The following ALMS1 variants were observed in gnomAD, a reference collection of about 807,000 sequenced individuals.
ALMS1 encodes the protein ALMS1 centrosome and basal body associated protein, also known as centrosome-associated protein ALMS1.
ALMS1 carries 271 observed loss-of-function variants against 352.2 expected under a neutral mutation model. The ratio of observed to expected loss-of-function variants is 0.77; its 90% CI spans 0.70 to 0.85. ALMS1 has a LOEUF of 0.85. ALMS1 is among the 40% of genes least tolerant of loss of function. ALMS1 has a pLI of 0.00. For missense variants in ALMS1, 5,445 were observed against 4,870.7 expected (o/e 1.12, Z -3.51); for synonymous variants, 1,865 against 1,761.2 (o/e 1.06, Z -1.48).
intron 10 of ALMS1, among the ~76,000 whole-genome samples, chr2:73,516,369 A>T (rs1673555286): frequency 6.6e-6 from 1 of 152,206 alleles, no homozygotes; most frequent in African/African-American, 2.4e-5. Flanking sequence ...TAGTTCAGCC[A>T]CTGGGGAAAA....
At chr2:73,525,350 A>C (rs1040815957) in intron 11 of ALMS1, among the ~76,000 whole-genome samples, 2 of 152,198 alleles carry the variant, frequency 1.3e-5, no homozygotes, top group Admixed American at 6.5e-5. Flanking sequence ...GAATCTACAA[A>C]CTAACTGTTC....
chr2:73,465,275 G>C (rs1355541305), intron 9 of ALMS1, among the ~76,000 whole-genome samples: 1 of 150,074 alleles, frequency 6.7e-6, no homozygotes, highest in African/African-American at 2.5e-5. Context: ...GCATGGTACT[G>C]GTACCAAAAC....
chr2:73,389,506 A>C (rs917193789), intron 1 of ALMS1, among the ~76,000 whole-genome samples: 1 of 152,036 alleles, frequency 6.6e-6, no homozygotes, highest in Non-Finnish European at 1.5e-5. Flanking sequence ...TTAATCATAA[A>C]CTTTTTTCCT....
At chr2:73,495,507 A>G (rs928335882) in intron 10 of ALMS1, among the ~76,000 whole-genome samples, 6 of 152,116 alleles carry the variant, frequency 3.9e-5, no homozygotes. Context: ...AAATGCTGTG[A>G]TTACAGACGT....
At chr2:73,560,447 A>G (rs1674633246) in intron 15 of ALMS1, among the ~76,000 whole-genome samples, 1 of 152,188 alleles carries the variant, frequency 6.6e-6, no homozygotes. Flanking sequence ...ATTGGTGGGA[A>G]TGTAAAATGA....
At position 73,450,707 on chromosome 2, in the gene ALMS1, C is replaced by T. The variant is rs969786171; in HGVS notation, c.4180C>T (p.Gln1394Ter). 1.2e-6 allele frequency: 2 copies of T among 1,613,230 alleles called. No homozygotes were observed. The highest frequency in any genetic ancestry group is 1.3e-5 in the African/African-American group (1 of 74,692). ...HTEKPSIFYQQSLPGSHLTEE... is the reference protein window; with the variant it reads ...HTEKPSIFYQ ...AGAGAAGCCGAGTATTTTCTACCAA[C>T]AGTCGTTGCCAGGTAGTCATCTAAC... The change falls in exon 8 of 23, where the codon CAG becomes TAG. Residue 1394 changes from glutamine (Q) to a stop codon, truncating the protein, a stop_gained. Transcript: ENST00000613296. LOFTEE classifies it high-confidence loss of function.
Position 73,573,233 on chromosome 2 carries a change from GAC to G in ALMS1, c.11359_11360del (p.Thr3787CysfsTer10). On this transcript the variant is annotated frameshift_variant, in exon 16 of 23. Coordinates refer to ENST00000613296, the MANE Select transcript of ALMS1 (RefSeq NM_001378454.1). LOFTEE classifies it high-confidence loss of function. Reference protein sequence around the residue: ...HERSSSVSTIDTARLIQAFGH... With the variant: ...HERSSSVSTIXTARLIQAFGH... The stretch of plus-strand genomic sequence containing the variant: ...AAGGAGTAGCTCTGTTTCCACTATT[GAC>G]ACTGCCCGGCTGATTCAAGCTTTTG... 1 of 1,613,434 alleles carries G rather than the reference GAC, an allele frequency of 6.2e-7. No individual in the cohort carries two copies. The highest frequency in any genetic ancestry group is 1.1e-5 in the South Asian group (1 of 91,052).
intron 11 of ALMS1, among the ~76,000 whole-genome samples, chr2:73,522,808 A>G (rs1673712999): frequency 1.3e-5 from 2 of 152,106 alleles, no homozygotes; most frequent in Admixed American, 1.3e-4. Flanking sequence ...CTTTCTTTAG[A>G]GGTCACTTTG....
intron 10 of ALMS1, among the ~76,000 whole-genome samples, chr2:73,505,478 A>G (rs1673301616): frequency 6.6e-6 from 1 of 152,108 alleles, no homozygotes; most frequent in African/African-American, 2.4e-5. Flanking sequence ...ACCAGTGATG[A>G]TGAGCTTTTT....
intron 15 of ALMS1, among the ~76,000 whole-genome samples, chr2:73,560,992 A>G (rs1417715646): frequency 6.6e-6 from 1 of 152,220 alleles, no homozygotes; most frequent in Non-Finnish European, 1.5e-5. Flanking sequence ...ACACTTCACA[A>G]AAGGGGATGG....
At chr2:73,475,405 T>C (rs1410357883) in intron 9 of ALMS1, among the ~76,000 whole-genome samples, 1 of 152,132 alleles carries the variant, frequency 6.6e-6, no homozygotes, top group African/African-American at 2.4e-5. Context: ...ATTTTCTGTC[T>C]TTTTGATTAT....
At chr2:73,414,477 T>TTTTTTTTTGGTG (rs1671143311) in intron 2 of ALMS1, among the ~76,000 whole-genome samples, 12 of 92,810 alleles carry the variant, frequency 1.3e-4, no homozygotes, top group African/African-American at 3.3e-4. Flanking sequence ...TTTTCCGTTT[T>TTTTTTTTTGGTG]TTTTTTTTTT....
At chr2:73,458,943 C>A (rs1304540146) in intron 9 of ALMS1, 1 of 152,156 alleles carries the variant, frequency 6.6e-6, no homozygotes, top group East Asian at 1.9e-4. Context: ...CTATAATGTA[C>A]AAGACAGTTC....
intron 9 of ALMS1, among the ~76,000 whole-genome samples, chr2:73,480,787 A>G (rs1427401487): frequency 2.0e-5 from 3 of 151,456 alleles, no homozygotes; most frequent in Non-Finnish European, 4.4e-5. Context: ...GTGAGATGGT[A>G]TCTCATTGTG....
rs187607395 is a variant in ALMS1 at position 73,559,062 on chromosome 2, A to T, written c.10304A>T (p.Lys3435Ile). 10 of 1,614,070 alleles carry T rather than the reference A, an allele frequency of 6.2e-6. No homozygotes were observed. In the South Asian group the frequency reaches 9.9e-5, roughly 16 times the overall value. ...CCAGACACTAAAGCCATTACACAGA[A>T]AGAGGAGATCCATAGGAAGAAGACA... Reference protein sequence around the residue: ...NLPDTKAITQKEEIHRKKTVP... With the variant: ...NLPDTKAITQIEEIHRKKTVP... The change falls in exon 15 of 23, where the codon AAA (lysine) becomes ATA (isoleucine). Residue 3435 changes from lysine (K) to isoleucine (I), a missense_variant. By Grantham distance (102) the Lys-to-Ile change is moderately radical. Transcript: ENST00000613296.
intron 9 of ALMS1, among the ~76,000 whole-genome samples, chr2:73,461,634 G>C (rs1162700829): frequency 6.6e-6 from 1 of 152,148 alleles, no homozygotes; most frequent in African/African-American, 2.4e-5. Flanking sequence ...GAGAGAAGAA[G>C]GCTTCAGATG....
chr2:73,491,944 AT>A (rs1331654419), intron 10 of ALMS1, among the ~76,000 whole-genome samples: 1 of 152,024 alleles, frequency 6.6e-6, no homozygotes, highest in African/African-American at 2.4e-5. Flanking sequence ...AATATTTAGT[AT>A]TTACAAAGAA....
intron 4 of ALMS1, among the ~76,000 whole-genome samples, chr2:73,423,225 A>G (rs1243610381): frequency 1.3e-5 from 2 of 152,242 alleles, no homozygotes; most frequent in Non-Finnish European, 2.9e-5. Flanking sequence ...CATTTCAGGC[A>G]TATTTTAATT....
Position 73,424,687 on chromosome 2 carries a change from A to G in ALMS1, c.1022A>G (p.Asp341Gly), listed in dbSNP as rs762728069. 2 of 1,614,094 alleles carry G rather than the reference A, an allele frequency of 1.2e-6. No homozygotes were observed. Among genetic ancestry groups the G allele is most frequent in the Non-Finnish European group, 1.7e-6 (2 of 1,180,000 alleles). Reference protein sequence around the residue: ...KIPKDCDRYDDLCSYMSWKTR... With the variant: ...KIPKDCDRYDGLCSYMSWKTR... ...CCCAAAGACTGTGATCGTTATGATG[A>G]TCTTTGTTCATATATGTCATGGAAG... Residue 341 changes from aspartate (D) to glycine (G), a missense_variant, in exon 5 of 23, where the codon GAT becomes GGT. Transcript: ENST00000613296.
Sources: allele counts gnomAD v4.1 joint callset (sites outside exome capture counted in the v4.1 genomes callset), GRCh38; gene constraint gnomAD v4.1.1; transcripts MANE v1.5; gene names NCBI Gene and HGNC (gene_info 2026-07-23, HGNC 2026-07-21).